Variants in NALF1 observed in about 807,000 individuals in gnomAD.
NALF1 encodes family with sequence similarity 155 member A.
NALF1 carries 3 observed loss-of-function variants against 48.4 expected under a neutral mutation model. The ratio of observed to expected loss-of-function variants is 0.06; its 90% CI spans 0.03 to 0.16. The LOEUF is 0.16. NALF1 is among the 10% of genes least tolerant of loss of function. The pLI is 1.00. For missense variants in NALF1, 526 were observed against 571.5 expected (o/e 0.92, Z 0.81); for synonymous variants, 262 against 245.7 (o/e 1.07, Z -0.62).
rs138631846 is a variant in NALF1, at chr13:107,457,389, T to G, written c.916-246634A>C. Among the ~76,000 whole-genome samples the G allele has an allele frequency of 6.6e-5, 10 of 152,256 alleles. No individual in the cohort carries two copies. In the East Asian group the frequency reaches 1.7e-3, roughly 27 times the overall value. ...AATGTAATATTGGCCTCATAGGTAATATTGGCCTCAATCCAATTCATGAGA... is the reference window on the plus strand; with the variant it reads ...AATGTAATATTGGCCTCATAGGTAAGATTGGCCTCAATCCAATTCATGAGA... On this transcript the variant is annotated intron_variant, in intron 1 of 2. Coordinates refer to ENST00000375915, the MANE Select transcript of NALF1 (RefSeq NM_001080396.3).
intron 1 of NALF1, among the ~76,000 whole-genome samples, chr13:107,380,694 G>A (rs969360817): frequency 1.3e-5 from 2 of 152,104 alleles, no homozygotes; most frequent in Non-Finnish European, 2.9e-5. Context: ...ATACATTTTA[G>A]TGGGCCGGGA....
Position 107,170,505 on chromosome 13 carries a change from C to T in NALF1, c.1369G>A (p.Glu457Lys). The change falls in exon 3 of 3, where the codon GAG becomes AAG. Residue 457 changes from glutamate (E) to lysine (K), a missense_variant. Physicochemically the swap from Glu to Lys is moderately conservative, Grantham distance 56. Coordinates refer to ENST00000375915, the MANE Select transcript of NALF1 (RefSeq NM_001080396.3). ...TGACACTCGTCCTTCCGTTACTCCT[C>T]ATTGGTTGAGTTTTCTTCCAGCGTG... ...INTLEENSTN[E>K]E 1 of 1,598,504 alleles carries T rather than the reference C, an allele frequency of 6.3e-7. No homozygotes were observed. Among genetic ancestry groups the T allele is most frequent in the Non-Finnish European group, 8.5e-7 (1 of 1,170,512 alleles).
intron 2 of NALF1, among the ~76,000 whole-genome samples, chr13:107,207,613 A>G (rs948467567): frequency 1.3e-5 from 2 of 152,210 alleles, no homozygotes; most frequent in Non-Finnish European, 2.9e-5. Context: ...GGACAGGAGT[A>G]GAAATCTCCT....
intron 1 of NALF1, among the ~76,000 whole-genome samples, chr13:107,836,437 C>T (rs1214443496): frequency 3.9e-5 from 6 of 152,032 alleles, no homozygotes; most frequent in Non-Finnish European, 5.9e-5. Context: ...GATCGTTAAA[C>T]ATTAACATTC....
intron 1 of NALF1, among the ~76,000 whole-genome samples, chr13:107,738,055 T>C (rs1876519168): frequency 6.6e-6 from 1 of 152,224 alleles, no homozygotes; most frequent in Non-Finnish European, 1.5e-5. Flanking sequence ...CACGGCTCTT[T>C]GCAGTCAGCA....
intron 1 of NALF1, among the ~76,000 whole-genome samples, chr13:107,648,848 T>C (rs999094145): frequency 6.6e-6 from 1 of 152,168 alleles, no homozygotes; most frequent in Non-Finnish European, 1.5e-5. Context: ...GCATTTGCTG[T>C]TGTCATTGTT....
chr13:107,702,525 T>C (rs7331455), intron 1 of NALF1, among the ~76,000 whole-genome samples: 51,122 of 151,962 alleles, frequency 0.34, 8,916 homozygotes, highest in Middle Eastern at 0.53. Context: ...TGTAGTTTTA[T>C]GGTGTTTTGT....
intron 1 of NALF1, among the ~76,000 whole-genome samples, chr13:107,733,357 T>A (rs1397312122): frequency 2.0e-5 from 3 of 152,162 alleles, no homozygotes; most frequent in Non-Finnish European, 4.4e-5. Context: ...ACCACCATTA[T>A]CAAGAGAGTA....
intron 1 of NALF1, among the ~76,000 whole-genome samples, chr13:107,361,169 GT>G (rs1883054370): frequency 6.6e-6 from 1 of 152,160 alleles, no homozygotes; most frequent in Non-Finnish European, 1.5e-5. Context: ...CCATAAATAT[GT>G]GCTTAGACAG....
At chr13:107,816,995 G>A (rs7985269) in intron 1 of NALF1, among the ~76,000 whole-genome samples, 4,920 of 152,228 alleles carry the variant, frequency 0.032, 262 homozygotes, top group African/African-American at 0.11. Flanking sequence ...TAAATGTAGG[G>A]TTTTTTGTAT....
At chr13:107,797,524 A>C (rs1327104256) in intron 1 of NALF1, among the ~76,000 whole-genome samples, 1 of 152,128 alleles carries the variant, frequency 6.6e-6, no homozygotes, top group East Asian at 1.9e-4. Flanking sequence ...CCTGTTTTTC[A>C]ACCCCAGTCT....
intron 1 of NALF1, among the ~76,000 whole-genome samples, chr13:107,857,386 G>A (rs938973972): frequency 6.6e-6 from 1 of 152,194 alleles, no homozygotes; most frequent in Non-Finnish European, 1.5e-5. Context: ...AGTGGAATCT[G>A]GAGGCACATG....
chr13:107,430,378 G>A (rs184771284), intron 1 of NALF1, among the ~76,000 whole-genome samples: 1 of 151,952 alleles, frequency 6.6e-6, no homozygotes, highest in Non-Finnish European at 1.5e-5. Flanking sequence ...CCATGTTGGT[G>A]TGCTACACCC....
chr13:107,299,474 AT>A (rs1437040747), intron 1 of NALF1, among the ~76,000 whole-genome samples: 4 of 127,972 alleles, frequency 3.1e-5, no homozygotes, highest in South Asian at 2.5e-4. Context: ...ATAATAATAA[AT>A]AAATAAATAA....
intron 1 of NALF1, among the ~76,000 whole-genome samples, chr13:107,256,264 A>C (rs1484546333): frequency 3.3e-5 from 5 of 152,218 alleles, no homozygotes; most frequent in Non-Finnish European, 7.3e-5. Flanking sequence ...ATTGCTGTAC[A>C]GTGGAAGTAC....
At chr13:107,758,634 T>C (rs1224794071) in intron 1 of NALF1, among the ~76,000 whole-genome samples, 3 of 151,902 alleles carry the variant, frequency 2.0e-5, no homozygotes, top group Admixed American at 6.6e-5. Context: ...CACAGGAGAA[T>C]GGCGTGAACC....
chr13:107,843,965 T>A (rs1370445423), intron 1 of NALF1, among the ~76,000 whole-genome samples: 1 of 152,106 alleles, frequency 6.6e-6, no homozygotes, highest in Non-Finnish European at 1.5e-5. Context: ...CAAAAGTAGG[T>A]TTCATTGAGT....
intron 1 of NALF1, among the ~76,000 whole-genome samples, chr13:107,317,040 T>C (rs1259722961): frequency 1.3e-5 from 2 of 152,160 alleles, no homozygotes; most frequent in Non-Finnish European, 2.9e-5. Context: ...AAACTATTGA[T>C]TGCTATTTAG....
chr13:107,499,341 A>G (rs1257913238), intron 1 of NALF1, among the ~76,000 whole-genome samples: 1 of 152,222 alleles, frequency 6.6e-6, no homozygotes, highest in East Asian at 1.9e-4. Flanking sequence ...TATATACAAT[A>G]AAGTTTTTTT....
Sources: gnomAD v4.1 joint callset for allele counts (sites outside exome capture counted in the v4.1 genomes callset) on GRCh38, gnomAD v4.1.1 for gene constraint, MANE v1.5 for transcripts, NCBI Gene and HGNC (gene_info 2026-07-23, HGNC 2026-07-21) for gene names.